Variants in NUP205 observed in about 807,000 individuals in gnomAD.
NUP205 encodes the protein nuclear pore complex protein Nup205.
Under a neutral mutation model 253.8 loss-of-function variants are expected in NUP205, and 76 were observed. The ratio of observed to expected loss-of-function variants is 0.30; its 90% CI spans 0.25 to 0.36. The LOEUF (loss-of-function observed/expected upper bound fraction) is 0.36, where lower values mean the gene tolerates loss of function less well. Among genes scored for constraint, NUP205 ranks in the 10% least tolerant of loss-of-function variants. The pLI is 1.00. For missense variants in NUP205, 2,162 were observed against 2,425.5 expected (o/e 0.89, Z 2.28); for synonymous variants, 832 against 850.1 (o/e 0.98, Z 0.37).
intron 2 of NUP205, 143 bp from the exon 3 acceptor site, chr7:135,573,511 C>G (rs548292009): frequency 1.7e-5 from 9 of 525,934 alleles, no homozygotes; most frequent in Non-Finnish European, 2.6e-5. Flanking sequence ...TCATAAAAGT[C>G]TGTTCTAAAT....
intron 27 of NUP205, 144 bp from the exon 28 acceptor site, chr7:135,618,268 C>T: frequency 1.5e-6 from 1 of 670,408 alleles, no homozygotes; most frequent in Non-Finnish European, 2.6e-6. Context: ...TTTTTTATAG[C>T]CCTGGCTACT....
At chr7:135,590,692 C>A (rs928538692) in intron 10 of NUP205, among the ~76,000 whole-genome samples, 1 of 151,974 alleles carries the variant, frequency 6.6e-6, no homozygotes, top group Admixed American at 6.6e-5. Flanking sequence ...GCCACCACAC[C>A]CAGCTAATTT....
At chr7:135,571,407 C>T (rs1160183390) in intron 2 of NUP205, among the ~76,000 whole-genome samples, 160 bp downstream of exon 2, 5 of 144,086 alleles carry the variant, frequency 3.5e-5, no homozygotes, top group Non-Finnish European at 4.5e-5. Flanking sequence ...TACCCCTAAA[C>T]GCTTAAAAAA....
At chr7:135,616,565 A>G (rs952693091) in intron 24 of NUP205, 90 bp from the exon 25 acceptor site, 26 of 700,458 alleles carry the variant, frequency 3.7e-5, no homozygotes, top group Non-Finnish European at 5.6e-5. Flanking sequence ...TGACCTAGAA[A>G]TAAGATACCT....
chr7:135,588,034 A>G (rs1806521772), intron 10 of NUP205, 42 bp downstream of exon 10: 1 of 1,525,238 alleles, frequency 6.6e-7, no homozygotes, highest in Non-Finnish European at 8.8e-7. Context: ...TGGTACTGTG[A>G]TAGAGAGTCT....
At chr7:135,632,980 G>T (rs1794742944) in intron 35 of NUP205, among the ~76,000 whole-genome samples, 1 of 151,692 alleles carries the variant, frequency 6.6e-6, no homozygotes, top group Non-Finnish European at 1.5e-5. Context: ...TTTTATTTTT[G>T]GGGGGACAGG....
intron 13 of NUP205, among the ~76,000 whole-genome samples, chr7:135,596,486 A>C (rs1793836743): frequency 6.6e-6 from 1 of 152,196 alleles, no homozygotes; most frequent in Non-Finnish European, 1.5e-5. Context: ...CCTTAGAGCA[A>C]CAGTATTGTT....
intron 39 of NUP205, among the ~76,000 whole-genome samples, chr7:135,643,868 A>G (rs1794960328): frequency 6.6e-6 from 1 of 152,128 alleles, no homozygotes; most frequent in South Asian, 2.1e-4. Context: ...TGCCTTTTCC[A>G]TTTGGCACAG....
At chr7:135,594,397 A>T (rs2129490346) in intron 12 of NUP205, 150 bp from the exon 13 acceptor site, 1 of 485,800 alleles carries the variant, frequency 2.1e-6, no homozygotes, top group Non-Finnish European at 3.6e-6. Flanking sequence ...GTGTTGGTAG[A>T]CTTCAAACAT....
At chr7:135,616,149 G>A (rs1584676122) in intron 24 of NUP205, 84 bp downstream of exon 24, 1 of 1,262,410 alleles carries the variant, frequency 7.9e-7, no homozygotes, top group Non-Finnish European at 1.1e-6. Context: ...CTTAGTATGT[G>A]ACTATAGACC....
intron 10 of NUP205, among the ~76,000 whole-genome samples, chr7:135,590,933 T>C (rs969837674): frequency 6.6e-6 from 1 of 152,158 alleles, no homozygotes; most frequent in Admixed American, 6.5e-5. Flanking sequence ...CTGTTAGTTG[T>C]TGATAATAGG....
chr7:135,637,921 T>C lies in NUP205; in HGVS notation c.5137-10T>C. 1 of 1,597,922 alleles carries C rather than the reference T, an allele frequency of 6.3e-7. No homozygotes were observed. The highest frequency in any genetic ancestry group is 8.5e-7 in the Non-Finnish European group (1 of 1,175,312). ...TAAATACATTTAACAAGATATCTTT[T>C]TCTTGTTAGCGCCAGTGCTTAGGAC... On this transcript the variant is annotated splice_polypyrimidine_tract_variant and intron_variant, in intron 36 of 42. Coordinates refer to ENST00000285968, the MANE Select transcript of NUP205 (RefSeq NM_015135.3).
chr7:135,608,760 G>A (rs750184295), intron 22 of NUP205, among the ~76,000 whole-genome samples: 1 of 151,716 alleles, frequency 6.6e-6, no homozygotes, highest in Non-Finnish European at 1.5e-5. Context: ...TTATAATTTC[G>A]CTTGTTCACT....
intron 7 of NUP205, among the ~76,000 whole-genome samples, chr7:135,579,884 G>C (rs906569754): frequency 1.3e-5 from 2 of 152,234 alleles, no homozygotes; most frequent in African/African-American, 4.8e-5. Flanking sequence ...GAGCTCAGGT[G>C]ATCCACTTGC....
At chr7:135,583,477 T>A (rs779486021) in intron 7 of NUP205, among the ~76,000 whole-genome samples, 2 of 152,000 alleles carry the variant, frequency 1.3e-5, no homozygotes, top group Non-Finnish European at 2.9e-5. Context: ...GATGTGATAA[T>A]GGCCAGGCGC....
At chr7:135,589,030 C>T (rs773528201) in intron 10 of NUP205, among the ~76,000 whole-genome samples, 1 of 150,764 alleles carries the variant, frequency 6.6e-6, no homozygotes, top group Admixed American at 6.6e-5. Flanking sequence ...AATACTAGCT[C>T]GGTGTGCTAT....
chr7:135,617,941 TC>T (rs1794394902), intron 27 of NUP205, among the ~76,000 whole-genome samples: 1 of 151,640 alleles, frequency 6.6e-6, no homozygotes, highest in Admixed American at 6.6e-5. Flanking sequence ...CTTCACTTGG[TC>T]CCCATCAGTG....
chr7:135,643,378 C>T lies in NUP205; in HGVS notation c.5559+20C>T, dbSNP rs1794950242. 4 of 1,604,286 alleles carry T rather than the reference C, an allele frequency of 2.5e-6. No individual in the cohort carries two copies. Among genetic ancestry groups the T allele is most frequent in the Non-Finnish European group, 2.6e-6 (3 of 1,173,266 alleles). ...AAAGAGGTACGAATCTTATAATGAGCTGGGGGGACTTGAGAAATCATTGCT... is the reference window on the plus strand; with the variant it reads ...AAAGAGGTACGAATCTTATAATGAGTTGGGGGGACTTGAGAAATCATTGCT... On this transcript the variant is annotated intron_variant, in intron 39 of 42. Transcript: ENST00000285968.
In NUP205 at chr7:135,576,999, T is replaced by C. The variant is rs1157696873; in HGVS notation, c.519T>C (p.Phe173=). Reference sequence around the variant, plus strand: ...AGCTGGCTTCCATGACAACACGCTTTACAGATGAGCTGATGGAGCAAGGAT... The same window carrying C: ...AGCTGGCTTCCATGACAACACGCTTCACAGATGAGCTGATGGAGCAAGGAT... ...SPELASMTTR[F]TDELMEQGLT... Residue 173 remains phenylalanine (F), a synonymous_variant, in exon 5 of 43, where the codon TTT becomes TTC. Transcript: ENST00000285968. The C allele has an allele frequency of 6.2e-7, 1 of 1,614,088 alleles. No homozygotes were observed. Among genetic ancestry groups the C allele is most frequent in the South Asian group, 1.1e-5 (1 of 91,062 alleles).
Sources: gnomAD v4.1 joint callset for allele counts (sites outside exome capture counted in the v4.1 genomes callset) on GRCh38, gnomAD v4.1.1 for gene constraint, MANE v1.5 for transcripts, NCBI Gene and HGNC (gene_info 2026-07-23, HGNC 2026-07-21) for gene names.